The following CAB39 variants were observed in gnomAD, a reference collection of about 807,000 sequenced individuals.
The protein encoded by CAB39 is calcium binding protein 39.
In CAB39, 8 loss-of-function variants were observed where a neutral mutation model predicts 40.0. The observed-to-expected ratio is 0.20, with a 90% CI of 0.12 to 0.36. The LOEUF (loss-of-function observed/expected upper bound fraction) is 0.36. Among genes scored for constraint, CAB39 ranks in the 10% least tolerant of loss-of-function variants. CAB39 has a pLI of 1.00. For synonymous variants in CAB39, 156 were observed against 141.6 expected (o/e 1.10, Z -0.72); for missense variants, 270 against 401.1 (o/e 0.67, Z 2.79).
At chr2:230,780,867 A>C (rs2124944025) in intron 2 of CAB39, among the ~76,000 whole-genome samples, 1 of 152,254 alleles carries the variant, frequency 6.6e-6, no homozygotes, top group Non-Finnish European at 1.5e-5. Flanking sequence ...TGATAACTCG[A>C]GCTCAGGAGT....
chr2:230,715,063 A>AT (rs759496196), intron 1 of CAB39, among the ~76,000 whole-genome samples: 18 of 152,102 alleles, frequency 1.2e-4, no homozygotes, highest in Non-Finnish European at 2.1e-4. Context: ...ATTTTTGCGT[A>AT]TTTTCTTTCC....
At chr2:230,775,856 T>A (rs1323285302) in intron 2 of CAB39, among the ~76,000 whole-genome samples, 1 of 152,134 alleles carries the variant, frequency 6.6e-6, no homozygotes, top group Admixed American at 6.5e-5. Flanking sequence ...CTTAAAAAAG[T>A]ATATAATCCA....
At chr2:230,726,557 A>G (rs920698008) in intron 1 of CAB39, among the ~76,000 whole-genome samples, 9 of 152,180 alleles carry the variant, frequency 5.9e-5, no homozygotes, top group African/African-American at 2.2e-4. Context: ...CATATGGCAC[A>G]TTAGTCACAG....
At chr2:230,783,123 G>A (rs1233116822) in intron 2 of CAB39, among the ~76,000 whole-genome samples, 6 of 151,980 alleles carry the variant, frequency 3.9e-5, no homozygotes, top group African/African-American at 9.7e-5. Context: ...CACTGCGCCC[G>A]GCCCAGACTG....
chr2:230,808,240 C>T (rs1285180678), intron 5 of CAB39, among the ~76,000 whole-genome samples: 1 of 152,104 alleles, frequency 6.6e-6, no homozygotes, highest in Non-Finnish European at 1.5e-5. Context: ...GCATGCATCA[C>T]CACACCCAGC....
chr2:230,812,672 C>T (rs1452665893), intron 6 of CAB39, among the ~76,000 whole-genome samples: 2 of 152,270 alleles, frequency 1.3e-5, no homozygotes, highest in East Asian at 1.9e-4. Flanking sequence ...AGAAATCTAA[C>T]TCAAATACAT....
intron 2 of CAB39, 61 bp from the exon 3 acceptor site, chr2:230,790,811 T>TA (rs1491300946): frequency 4.2e-6 from 6 of 1,414,854 alleles, no homozygotes; most frequent in Non-Finnish European, 5.9e-6. Context: ...TTTGACGTGT[T>TA]ATATGTTTGT....
At chr2:230,793,137 C>T (rs1041831316) in intron 3 of CAB39, 76 bp from the exon 4 acceptor site, 16 of 772,970 alleles carry the variant, frequency 2.1e-5, no homozygotes, top group African/African-American at 1.2e-4. Flanking sequence ...TGGCCTTATT[C>T]GAGTTCATTT....
At chr2:230,719,360 G>A (rs1346728436) in intron 1 of CAB39, among the ~76,000 whole-genome samples, 10 of 152,252 alleles carry the variant, frequency 6.6e-5, no homozygotes, top group African/African-American at 1.9e-4. Context: ...CTGAAATAGG[G>A]TATGACTCCC....
chr2:230,739,596 G>A (rs1338817308), intron 1 of CAB39, among the ~76,000 whole-genome samples: 2 of 152,244 alleles, frequency 1.3e-5, no homozygotes, highest in Non-Finnish European at 2.9e-5. Flanking sequence ...CCGGGTTCAA[G>A]CGATTCTCCT....
intron 6 of CAB39, among the ~76,000 whole-genome samples, chr2:230,813,771 T>C (rs76475169): frequency 0.012 from 1,819 of 152,056 alleles, 42 homozygotes; most frequent in African/African-American, 0.041. Flanking sequence ...GGATTTAAGC[T>C]CTGTCTGCAG....
In CAB39 at chr2:230,817,424, GT is replaced by G. The variant is rs138495500; in HGVS notation, c.694-327del. On this transcript the variant is annotated intron_variant, in intron 7 of 8. Coordinates refer to ENST00000258418, the MANE Select transcript of CAB39 (RefSeq NM_016289.4). Reference sequence around the variant, plus strand: ...TAACTTTTGACCATTTTCTTGAATAGTTTCTTTTTAGTGAGCTAACACAAAT... The same window carrying G: ...TAACTTTTGACCATTTTCTTGAATAGTTCTTTTTAGTGAGCTAACACAAAT... Among the ~76,000 whole-genome samples, 1,463 of 152,272 alleles carry G rather than the reference GT, an allele frequency of 9.6e-3. 25 individuals carry two copies. Among genetic ancestry groups the G allele is most frequent in the African/African-American group, 0.032 (1,348 of 41,540 alleles).
At chr2:230,773,349 T>TGTGTGTGTGTGTGTGTG (rs1553673089) in intron 2 of CAB39, among the ~76,000 whole-genome samples, 1 of 150,464 alleles carries the variant, frequency 6.6e-6, no homozygotes. Flanking sequence ...TGTGTGTGTG[T>TGTGTGTGTGTGTGTGTG]TACATTAGGT....
intron 1 of CAB39, among the ~76,000 whole-genome samples, chr2:230,724,558 A>G (rs941753580): frequency 2.0e-5 from 3 of 150,816 alleles, no homozygotes; most frequent in Non-Finnish European, 4.4e-5. Flanking sequence ...GCACATGCCT[A>G]TAATCCCAGC....
intron 7 of CAB39, among the ~76,000 whole-genome samples, chr2:230,817,209 A>G (rs1575967583): frequency 6.6e-6 from 1 of 152,250 alleles, no homozygotes; most frequent in East Asian, 1.9e-4. Flanking sequence ...GAAGGAGCAG[A>G]AAAATACTCA....
chr2:230,758,882 A>G (rs1383754149), intron 1 of CAB39, among the ~76,000 whole-genome samples: 2 of 152,204 alleles, frequency 1.3e-5, no homozygotes, highest in Admixed American at 6.5e-5. Flanking sequence ...GAATTTAACT[A>G]CTTCTAGTTT....
chr2:230,811,378 C>T (rs1346804850), intron 6 of CAB39, among the ~76,000 whole-genome samples: 1 of 152,154 alleles, frequency 6.6e-6, no homozygotes, highest in Non-Finnish European at 1.5e-5. Context: ...CACACAAGTC[C>T]TTCATAAGTA....
intron 5 of CAB39, among the ~76,000 whole-genome samples, chr2:230,805,456 G>T (rs1422988837): frequency 6.6e-6 from 1 of 152,018 alleles, no homozygotes; most frequent in Non-Finnish European, 1.5e-5. Context: ...TGTACCCACA[G>T]CCATCATGGA....
intron 1 of CAB39, among the ~76,000 whole-genome samples, chr2:230,720,403 C>T (rs1161073279): frequency 6.6e-6 from 1 of 152,126 alleles, no homozygotes; most frequent in African/African-American, 2.4e-5. Context: ...CATACATCCT[C>T]AAATGTCTAT....
Sources: allele counts gnomAD v4.1 joint callset (sites outside exome capture counted in the v4.1 genomes callset), GRCh38; gene constraint gnomAD v4.1.1; transcripts MANE v1.5; gene names NCBI Gene and HGNC (gene_info 2026-07-23, HGNC 2026-07-21).